Variants in FGF14 observed in about 807,000 individuals in gnomAD.
FGF14 encodes the protein fibroblast growth factor homologous factor 4.
In FGF14, 5 loss-of-function variants were observed where a neutral mutation model predicts 25.5. The observed-to-expected ratio is 0.20, with a 90% CI of 0.10 to 0.41. The LOEUF is 0.41. Ranked by LOEUF, FGF14 falls within the 10% of genes least tolerant of loss-of-function variation. The pLI is 1.00. For missense variants in FGF14, 222 were observed against 320.1 expected (o/e 0.69, Z 2.34); for synonymous variants, 138 against 118.3 (o/e 1.17, Z -1.08).
Position 101,722,714 on chromosome 13 carries a change from G to C in FGF14, c.*117C>G. On this transcript the variant is annotated 3_prime_UTR_variant, in exon 5 of 5. Coordinates refer to ENST00000376143, the MANE Select transcript of FGF14 (RefSeq NM_004115.4). ...AACAGAGAAGTTCGGAGACAGCAAA[G>C]AATAAGCATTAGCTTACTTCCTGCT... is the stretch of plus-strand genomic sequence containing the variant. 5 of 1,400,860 alleles carry C rather than the reference G, an allele frequency of 3.6e-6. No homozygotes were observed. The highest frequency in any genetic ancestry group is 5.0e-6 in the Non-Finnish European group (5 of 999,538). The allele number at this position is 1,400,860 out of a possible 1,614,324, so 86.8% of individuals were successfully genotyped here. A position where few individuals can be genotyped will look rare whatever the true frequency, so the allele number is the denominator to read the frequency against.
chr13:102,128,621 T>C (rs1198076506), intron 1 of FGF14, among the ~76,000 whole-genome samples: 1 of 151,992 alleles, frequency 6.6e-6, no homozygotes, highest in Non-Finnish European at 1.5e-5. Context: ...CACTCTAGAG[T>C]CACTGAAAAC....
chr13:102,329,142 A>G lies in FGF14; in HGVS notation c.208+72329T>C, dbSNP rs2056556826. On this transcript the variant is annotated intron_variant, in intron 1 of 4. Transcript: ENST00000376131. ...TTCAGTTGAGCAAATAGAGGGTTGC[A>G]TTAATACCCATGAGCTTACATCAAA... is the stretch of plus-strand genomic sequence containing the variant. 2.0e-5 allele frequency among the ~76,000 whole-genome samples: 3 copies of G among 152,170 alleles called. 1 individual carries two copies. The South Asian group carries it at 6.2e-4, about 32-fold the overall frequency.
intron 1 of FGF14, among the ~76,000 whole-genome samples, chr13:102,386,199 C>G (rs958242099): frequency 2.7e-5 from 4 of 146,708 alleles, no homozygotes; most frequent in African/African-American, 5.1e-5. Context: ...GTGGAGCAAT[C>G]TCAGCTCACG....
At chr13:101,879,510 G>A (rs987307464) in intron 1 of FGF14, among the ~76,000 whole-genome samples, 4 of 152,076 alleles carry the variant, frequency 2.6e-5, no homozygotes, top group East Asian at 1.9e-4. Flanking sequence ...ATTAAACACC[G>A]TCATAAATGG....
At chr13:101,824,688 C>A (rs2042318063) in intron 3 of FGF14, among the ~76,000 whole-genome samples, 2 of 152,082 alleles carry the variant, frequency 1.3e-5, no homozygotes, top group African/African-American at 4.8e-5. Flanking sequence ...TGGCTGAAAC[C>A]TCCTGAATAG....
intron 1 of FGF14, among the ~76,000 whole-genome samples, chr13:102,096,832 T>C (rs1423363271): frequency 6.6e-6 from 1 of 152,160 alleles, no homozygotes; most frequent in Non-Finnish European, 1.5e-5. Context: ...GGGCCATATA[T>C]AAGCTAGGAC....
chr13:101,743,781 A>C (rs1270447910), intron 3 of FGF14, among the ~76,000 whole-genome samples: 1 of 152,046 alleles, frequency 6.6e-6, no homozygotes, highest in Admixed American at 6.6e-5. Flanking sequence ...TATTTCAAAG[A>C]TTTAAGATAT....
chr13:101,764,528 G>A lies in FGF14; in HGVS notation c.409-37718C>T, dbSNP rs138210184. 1.0e-3 allele frequency among the ~76,000 whole-genome samples: 155 copies of A among 152,278 alleles called. 1 individual carries two copies. The highest frequency in any genetic ancestry group is 3.6e-3 in the African/African-American group (151 of 41,550). On this transcript the variant is annotated intron_variant, in intron 3 of 4. Transcript: ENST00000376143. ...CCCACAAGTGTTGCAGAAAAGGGGC[G>A]ATTAACAACAAAATGAGATTCACTA...
At chr13:102,000,917 T>C (rs2039458069) in intron 1 of FGF14, among the ~76,000 whole-genome samples, 1 of 152,198 alleles carries the variant, frequency 6.6e-6, no homozygotes, top group South Asian at 2.1e-4. Flanking sequence ...AAGTCATTTA[T>C]TTACTGAGGA....
intron 1 of FGF14, among the ~76,000 whole-genome samples, chr13:102,284,526 T>C (rs181922490): frequency 3.3e-5 from 5 of 152,228 alleles, no homozygotes; most frequent in Middle Eastern, 3.4e-3. Flanking sequence ...AAAATATTAT[T>C]TAAAAATAAT....
At chr13:101,884,062 C>CAAAAAAAAAAAAAAAAAAAAAAAAA (rs11315735) in intron 1 of FGF14, among the ~76,000 whole-genome samples, 14 of 37,832 alleles carry the variant, frequency 3.7e-4, no homozygotes, top group South Asian at 1.9e-3. Flanking sequence ...GACTCCATCT[C>CAAAAAAAAAAAAAAAAAAAAAAAAA]AAAAAAAAAA....
intron 1 of FGF14, among the ~76,000 whole-genome samples, chr13:101,894,145 A>C (rs1167962334): frequency 1.3e-5 from 2 of 152,086 alleles, no homozygotes; most frequent in Admixed American, 1.3e-4. Context: ...AGGTGATTTC[A>C]TATACCTTAA....
At chr13:102,219,431 C>T (rs1357458494) in intron 1 of FGF14, among the ~76,000 whole-genome samples, 3 of 152,176 alleles carry the variant, frequency 2.0e-5, no homozygotes, top group African/African-American at 4.8e-5. Flanking sequence ...TAGATTTCTA[C>T]TGCTGAGTGA....
At chr13:102,278,112 T>C (rs1283678852) in intron 1 of FGF14, among the ~76,000 whole-genome samples, 2 of 152,194 alleles carry the variant, frequency 1.3e-5, no homozygotes, top group Non-Finnish European at 2.9e-5. Flanking sequence ...GCTTCCATAA[T>C]TGAATTCTAA....
intron 1 of FGF14, among the ~76,000 whole-genome samples, chr13:102,315,651 G>A (rs577705830): frequency 9.9e-5 from 15 of 152,128 alleles, no homozygotes. Context: ...AAATAGTTGA[G>A]GATCCCCTAG....
intron 1 of FGF14, among the ~76,000 whole-genome samples, chr13:102,271,991 C>T (rs910156928): frequency 1.3e-5 from 2 of 152,124 alleles, no homozygotes; most frequent in East Asian, 3.9e-4. Context: ...TGTGATCTGT[C>T]TCTCCTCTGC....
intron 1 of FGF14, among the ~76,000 whole-genome samples, chr13:101,923,204 C>T (rs1345602530): frequency 2.6e-5 from 4 of 151,932 alleles, no homozygotes; most frequent in Non-Finnish European, 4.4e-5. Context: ...TGACTCACTC[C>T]GTTTTGTCAC....
rs2035077792 is a variant in FGF14, at chr13:101,722,768, G to A, written c.*63C>T. Reference sequence around the variant, plus strand: ...CTTCAGCCACGGAGCAGGAATGTCTGGTGAGGATAAATCACTCAACTGTGC... The same window carrying A: ...CTTCAGCCACGGAGCAGGAATGTCTAGTGAGGATAAATCACTCAACTGTGC... On this transcript the variant is annotated 3_prime_UTR_variant, in exon 5 of 5. Transcript: ENST00000376143. 3.1e-6 allele frequency: 5 copies of A among 1,606,064 alleles called. No individual in the cohort carries two copies. The highest frequency in any genetic ancestry group is 2.2e-5 in the East Asian group (1 of 44,806).
intron 1 of FGF14, among the ~76,000 whole-genome samples, chr13:102,119,446 G>A (rs1209380539): frequency 6.6e-6 from 1 of 152,106 alleles, no homozygotes; most frequent in Non-Finnish European, 1.5e-5. Context: ...AATTACTAGG[G>A]ATGACAAAAC....
Sources: allele counts gnomAD v4.1 joint callset (sites outside exome capture counted in the v4.1 genomes callset), GRCh38; gene constraint gnomAD v4.1.1; transcripts MANE v1.5; gene names NCBI Gene and HGNC (gene_info 2026-07-23, HGNC 2026-07-21).